ZNF654: variants seen among roughly 807,000 people sequenced by gnomAD.
The protein encoded by ZNF654 is zinc finger protein 654.
Under a neutral mutation model 95.3 loss-of-function variants are expected in ZNF654, and 19 were observed. The observed-to-expected ratio is 0.20, with a 90% CI of 0.14 to 0.29. ZNF654 has a LOEUF of 0.29. Among genes scored for constraint, ZNF654 ranks in the 10% least tolerant of loss-of-function variants. ZNF654 has a pLI of 1.00. For synonymous variants in ZNF654, 413 were observed against 457.9 expected, an observed-to-expected ratio of 0.90 and a Z score of 1.25; for missense variants, 1,046 against 1,341.0, an observed-to-expected ratio of 0.78 and a Z score of 3.44.
intron 2 of ZNF654, 23 bp from the exon 3 acceptor site, chr3:88,113,088 TGAAA>T: frequency 7.0e-7 from 1 of 1,438,074 alleles, no homozygotes; most frequent in Non-Finnish European, 9.4e-7. Context: ...AAAGAAGCAA[TGAAA>T]GTTATTCACT....
chr3:88,133,607 AAAGTGAG>A (rs1473931901), intron 6 of ZNF654, among the ~76,000 whole-genome samples: 5 of 152,172 alleles, frequency 3.3e-5, no homozygotes, highest in Non-Finnish European at 7.4e-5. Flanking sequence ...AGCATAAACA[AAAGTGAG>A]AATAAATGAA....
intron 1 of ZNF654, among the ~76,000 whole-genome samples, chr3:88,083,940 TTTATATA>T (rs1178791593): frequency 5.1e-5 from 1 of 19,500 alleles, no homozygotes; most frequent in Non-Finnish European, 1.4e-4. Context: ...ATGTACTTAT[TTTATATA>T]TATATATATA....
chr3:88,129,645 T>C (rs1269330148), intron 5 of ZNF654, 42 bp from the exon 6 acceptor site: 1 of 1,336,236 alleles, frequency 7.5e-7, no homozygotes, highest in Admixed American at 2.9e-5. Flanking sequence ...GCTTCTTAGA[T>C]ATTTTTAATT....
At chr3:88,078,429 A>C (rs181959380) in intron 1 of ZNF654, among the ~76,000 whole-genome samples, 87 of 152,282 alleles carry the variant, frequency 5.7e-4, no homozygotes, top group Admixed American at 1.4e-3. Flanking sequence ...TTTAAATCTC[A>C]TCCCAGGATA....
chr3:88,140,846 G>A lies in ZNF654; in HGVS notation c.3177G>A (p.Arg1059=). The change falls in exon 8 of 9, where the codon CGG becomes CGA. Residue 1059 remains arginine (R), a synonymous_variant. Coordinates refer to ENST00000636215, the MANE Select transcript of ZNF654 (RefSeq NM_001350134.2). ...RPLPPSYLDE[R]YLSMPKRRKF... ...TGCCTCCCAGTTACCTTGATGAACG[G>A]TATCTTAGTATGCCAAAACGCAGAA... 4 of 1,613,604 alleles carry A rather than the reference G, an allele frequency of 2.5e-6. No homozygotes were observed. The highest frequency in any genetic ancestry group is 2.5e-6 in the Non-Finnish European group (3 of 1,179,674).
In ZNF654 at chr3:88,059,351, A is replaced by C. The variant is rs1706700119; in HGVS notation, c.32A>C (p.Glu11Ala). Reference sequence around the variant, plus strand: ...GAGGAAGAGAGCGACCAAGAGGCCGAACGCCTCGGAGAAGAGCTTGTGGCC... The same window carrying C: ...GAGGAAGAGAGCGACCAAGAGGCCGCACGCCTCGGAGAAGAGCTTGTGGCC... MAEEESDQEAERLGEELVAIV... is the reference protein window; with the variant it reads MAEEESDQEAARLGEELVAIV... The change falls in exon 1 of 9, where the codon GAA becomes GCA. Residue 11 changes from glutamate to alanine, a missense_variant. Coordinates refer to ENST00000636215, the MANE Select transcript of ZNF654 (RefSeq NM_001350134.2). 2 of 1,534,760 alleles carry C rather than the reference A, an allele frequency of 1.3e-6. No homozygotes were observed. Among genetic ancestry groups the C allele is most frequent in the East Asian group, 2.4e-5 (1 of 40,886 alleles).
intron 3 of ZNF654, among the ~76,000 whole-genome samples, chr3:88,122,448 G>T (rs1576323408): frequency 6.6e-6 from 1 of 152,308 alleles, no homozygotes; most frequent in African/African-American, 2.4e-5. Flanking sequence ...GACACATGTT[G>T]TAGGTGCCTT....
chr3:88,092,125 A>G (rs1354329799), intron 2 of ZNF654, among the ~76,000 whole-genome samples: 1 of 152,216 alleles, frequency 6.6e-6, no homozygotes, highest in Non-Finnish European at 1.5e-5. Flanking sequence ...GAAGTTAATT[A>G]TATTTTCCAT....
At chr3:88,104,640 G>C (rs911497449) in intron 2 of ZNF654, among the ~76,000 whole-genome samples, 1 of 152,144 alleles carries the variant, frequency 6.6e-6, no homozygotes, top group Non-Finnish European at 1.5e-5. Context: ...GAGATTAGGC[G>C]GGATTTTTAA....
chr3:88,059,902 C>T (rs1278662861), intron 1 of ZNF654, among the ~76,000 whole-genome samples: 2 of 152,048 alleles, frequency 1.3e-5, no homozygotes, highest in Admixed American at 6.5e-5. Flanking sequence ...TCTGCCTTCC[C>T]CTCTCCGCCG....
At chr3:88,126,087 T>C in intron 3 of ZNF654, 47 bp from the exon 4 acceptor site, 1 of 1,413,238 alleles carries the variant, frequency 7.1e-7, no homozygotes, top group Non-Finnish European at 9.3e-7. Context: ...AAGTTTAGTT[T>C]TTAACCCCTT....
chr3:88,078,065 A>G (rs1576219182), intron 1 of ZNF654, among the ~76,000 whole-genome samples: 1 of 152,222 alleles, frequency 6.6e-6, no homozygotes, highest in African/African-American at 2.4e-5. Context: ...TGGAATCCCT[A>G]TATTAGCAAG....
intron 2 of ZNF654, among the ~76,000 whole-genome samples, chr3:88,094,706 G>GT: frequency 6.6e-6 from 1 of 152,208 alleles, no homozygotes; most frequent in South Asian, 2.1e-4. Flanking sequence ...TATGAATGGT[G>GT]TAAGTACATT....
intron 3 of ZNF654, among the ~76,000 whole-genome samples, chr3:88,116,628 A>G (rs571116233): frequency 3.5e-4 from 53 of 151,926 alleles, no homozygotes; most frequent in South Asian, 6.3e-4. Context: ...GTGTGTGTGT[A>G]TATATATGTA....
chr3:88,128,623 C>T (rs1559728909), intron 4 of ZNF654, among the ~76,000 whole-genome samples, 186 bp from the exon 5 acceptor site: 1 of 151,974 alleles, frequency 6.6e-6, no homozygotes, highest in Non-Finnish European at 1.5e-5. Context: ...GTTTTGGTGT[C>T]ACTCTTCTTT....
At chr3:88,118,410 T>C (rs1705546057) in intron 3 of ZNF654, among the ~76,000 whole-genome samples, 1 of 152,146 alleles carries the variant, frequency 6.6e-6, no homozygotes, top group Non-Finnish European at 1.5e-5. Flanking sequence ...GCCAGCCACA[T>C]GAAAGGAGTT....
Position 88,129,840 on chromosome 3 carries a change from A to G in ZNF654, c.893+14A>G. On this transcript the variant is annotated intron_variant, in intron 6 of 8. Coordinates refer to ENST00000636215, the MANE Select transcript of ZNF654 (RefSeq NM_001350134.2). The stretch of plus-strand genomic sequence containing the variant: ...GTACTGTATCTGGTAAGTGTTTGTA[A>G]ATAAAGAAATTGAAATGGTAAGATG... 1 of 1,406,234 alleles carries G rather than the reference A, an allele frequency of 7.1e-7. No individual in the cohort carries two copies. Among genetic ancestry groups the G allele is most frequent in the Non-Finnish European group, 9.3e-7 (1 of 1,070,714 alleles). 87.1% of individuals were successfully genotyped at this position (1,406,234 alleles called of 1,614,324 possible). A position where few individuals can be genotyped will look rare whatever the true frequency, so the allele number is the denominator to read the frequency against.
At chr3:88,083,271 G>T (rs1164336203) in intron 1 of ZNF654, among the ~76,000 whole-genome samples, 2 of 152,198 alleles carry the variant, frequency 1.3e-5, no homozygotes, top group African/African-American at 2.4e-5. Flanking sequence ...GTTCCTAAAT[G>T]ATTTAATGTA....
chr3:88,114,977 A>G (rs1251977933), intron 3 of ZNF654, among the ~76,000 whole-genome samples: 1 of 152,234 alleles, frequency 6.6e-6, no homozygotes, highest in African/African-American at 2.4e-5. Flanking sequence ...GTGCAAGTTA[A>G]GTGCAAACCC....
Sources: gnomAD v4.1 joint callset for allele counts (sites outside exome capture counted in the v4.1 genomes callset) on GRCh38, gnomAD v4.1.1 for gene constraint, MANE v1.5 for transcripts, NCBI Gene and HGNC (gene_info 2026-07-23, HGNC 2026-07-21) for gene names.